CNIH3: variants seen among roughly 807,000 people sequenced by gnomAD.
CNIH3 encodes the protein protein cornichon homolog 3.
A neutral mutation model predicts 24.1 loss-of-function variants in CNIH3; 14 were observed. That is an observed-to-expected ratio of 0.58 (90% CI 0.38 to 0.91). The LOEUF (loss-of-function observed/expected upper bound fraction) is 0.91, where lower values mean the gene tolerates loss of function less well. Ranked by LOEUF, CNIH3 falls within the 40% of genes least tolerant of loss-of-function variation. The pLI, the probability that CNIH3 is intolerant of heterozygous loss-of-function variation, is 0.00. For missense variants in CNIH3, 178 were observed against 196.8 expected (o/e 0.90, Z 0.57); for synonymous variants, 68 against 73.8 (o/e 0.92, Z 0.40).
chr1:224,664,375 C>T (rs59656396), intron 1 of CNIH3, among the ~76,000 whole-genome samples: 2,765 of 152,270 alleles, frequency 0.018, 78 homozygotes, highest in African/African-American at 0.062. Context: ...GGCAGTTGGA[C>T]TGGTTTCACT....
chr1:224,676,699 T>G (rs544796558), intron 1 of CNIH3, among the ~76,000 whole-genome samples: 1 of 152,314 alleles, frequency 6.6e-6, no homozygotes, highest in Non-Finnish European at 1.5e-5. Flanking sequence ...TGCCCATCCT[T>G]ACATCATTGT....
rs144454145 is a variant in CNIH3 at position 224,436,423 on chromosome 1, G to C, written n.203+1561G>C. On this transcript the variant is annotated intron_variant and non_coding_transcript_variant, in intron 1 of 5. Coordinates refer to the CNIH3 transcript ENST00000471578. ...AGGCCCATAGCAACATTGAAGACTTGCTTCTGAATAAAGACTGTAGGTTTT... is the reference window on the plus strand; with the variant it reads ...AGGCCCATAGCAACATTGAAGACTTCCTTCTGAATAAAGACTGTAGGTTTT... 2.5e-3 allele frequency among the ~76,000 whole-genome samples: 374 copies of C among 152,284 alleles called. 3 individuals are homozygous for C. Among genetic ancestry groups the C allele is most frequent in the Non-Finnish European group, 4.7e-3 (321 of 68,014 alleles).
At chr1:224,501,505 CTATA>C (rs201461305) in intron 1 of CNIH3, among the ~76,000 whole-genome samples, 6 of 142,298 alleles carry the variant, frequency 4.2e-5, no homozygotes, top group South Asian at 2.2e-4. Flanking sequence ...AGGCTTGAAC[CTATA>C]TATATATATA....
intron 3 of CNIH3, among the ~76,000 whole-genome samples, chr1:224,698,661 T>G (rs993361827): frequency 1.8e-4 from 27 of 152,254 alleles, no homozygotes; most frequent in African/African-American, 6.0e-4. Context: ...ATAATGTATT[T>G]CAAGCACACA....
chr1:224,591,003 G>C (rs188360797), downstream of CNIH3, among the ~76,000 whole-genome samples: 20 of 152,100 alleles, frequency 1.3e-4, no homozygotes, highest in Admixed American at 1.3e-3. Context: ...AATTGGAAAA[G>C]GTAGATCTAA....
At chr1:224,592,135 A>ATG (rs773509848), downstream of CNIH3, among the ~76,000 whole-genome samples, 8 of 151,196 alleles carry the variant, frequency 5.3e-5, no homozygotes, top group East Asian at 1.6e-3. Context: ...GTGTGTGTAT[A>ATG]TGTGTGTGTG....
downstream of CNIH3, among the ~76,000 whole-genome samples, chr1:224,592,728 C>T (rs1192409333): frequency 6.6e-6 from 1 of 152,100 alleles, no homozygotes; most frequent in Non-Finnish European, 1.5e-5. Context: ...GTTTTGACAG[C>T]TGAAGTTGGG....
chr1:224,507,352 T>A (rs1203196904), intron 1 of CNIH3, among the ~76,000 whole-genome samples: 1 of 152,174 alleles, frequency 6.6e-6, no homozygotes, highest in East Asian at 1.9e-4. Flanking sequence ...CCTGGGCAAG[T>A]GTCCTCTCTG....
intron 3 of CNIH3, among the ~76,000 whole-genome samples, chr1:224,722,533 A>G (rs1688775822): frequency 6.6e-6 from 1 of 152,080 alleles, no homozygotes; most frequent in African/African-American, 2.4e-5. Context: ...CTGCATTTCT[A>G]ACAAGATCCC....
At chr1:224,718,127 A>G (rs1688523408) in intron 3 of CNIH3, among the ~76,000 whole-genome samples, 1 of 152,220 alleles carries the variant, frequency 6.6e-6, no homozygotes, top group South Asian at 2.1e-4. Context: ...TAAGCAAGTA[A>G]ACAAACGCAC....
intron 4 of CNIH3, among the ~76,000 whole-genome samples, chr1:224,732,844 G>T (rs1413355015): frequency 6.6e-6 from 1 of 152,124 alleles, no homozygotes; most frequent in Non-Finnish European, 1.5e-5. Flanking sequence ...GAAGGGAGGG[G>T]CTGCAATCTC....
chr1:224,735,809 C>T (rs933537891), intron 5 of CNIH3, among the ~76,000 whole-genome samples: 6 of 151,792 alleles, frequency 4.0e-5, no homozygotes, highest in Non-Finnish European at 8.8e-5. Flanking sequence ...TGTCACCATG[C>T]CCGGCTATAT....
intron 1 of CNIH3, among the ~76,000 whole-genome samples, chr1:224,625,940 AT>A (rs71792467): frequency 4.0e-4 from 60 of 149,204 alleles, no homozygotes; most frequent in Admixed American, 2.1e-3. Context: ...TGTAATACCC[AT>A]TTTTTTTTTA....
At chr1:224,632,510 A>T (rs570146179) in intron 1 of CNIH3, among the ~76,000 whole-genome samples, 3 of 151,960 alleles carry the variant, frequency 2.0e-5, no homozygotes, top group Non-Finnish European at 4.4e-5. Flanking sequence ...TCCTTGTCCA[A>T]TGGGGTTCTA....
chr1:224,573,363 C>A lies in CNIH3; in HGVS notation n.516+7099C>A, dbSNP rs563921467. Among the ~76,000 whole-genome samples the A allele has an allele frequency of 3.3e-5, 5 of 152,232 alleles. No individual in the cohort carries two copies. In the East Asian group the frequency reaches 9.6e-4, roughly 29 times the overall value. On this transcript the variant is annotated intron_variant and non_coding_transcript_variant, in intron 4 of 5. Transcript: ENST00000471578. ...TTAAAACACAAGGTGCAAGGTACAGCCTTTTTTTGGAGATGTATGAAAATG... is the reference window on the plus strand; with the variant it reads ...TTAAAACACAAGGTGCAAGGTACAGACTTTTTTTGGAGATGTATGAAAATG...
At chr1:224,469,898 T>G (rs1324559624) in intron 1 of CNIH3, among the ~76,000 whole-genome samples, 1 of 152,228 alleles carries the variant, frequency 6.6e-6, no homozygotes, top group Admixed American at 6.5e-5. Flanking sequence ...CTGGTAGTGA[T>G]GAATTCTGCC....
At chr1:224,737,256 C>T (rs1689643126) in intron 5 of CNIH3, among the ~76,000 whole-genome samples, 2 of 152,074 alleles carry the variant, frequency 1.3e-5, no homozygotes, top group African/African-American at 4.8e-5. Context: ...TTGGCAGCTC[C>T]TCTCGGTTAG....
At position 224,570,234 on chromosome 1, in the gene CNIH3, C is replaced by T. The variant is rs916360118; in HGVS notation, n.516+3970C>T. The stretch of plus-strand genomic sequence containing the variant: ...AAGTTTGTTCCATGGGTATATTATG[C>T]GCTGCTGCAGTTTGGAGTACAATCG... On this transcript the variant is annotated intron_variant and non_coding_transcript_variant, in intron 4 of 5. Transcript: ENST00000471578. 1.6e-4 allele frequency among the ~76,000 whole-genome samples: 24 copies of T among 152,066 alleles called. No individual in the cohort carries two copies. In the East Asian group the frequency reaches 3.1e-3, roughly 20 times the overall value.
At chr1:224,713,179 C>T (rs1023135973) in intron 3 of CNIH3, among the ~76,000 whole-genome samples, 3 of 152,214 alleles carry the variant, frequency 2.0e-5, no homozygotes, top group Non-Finnish European at 2.9e-5. Context: ...GCCCAGGAGA[C>T]CCGTTGCAGT....
Sources: allele counts gnomAD v4.1 joint callset (sites outside exome capture counted in the v4.1 genomes callset), GRCh38; gene constraint gnomAD v4.1.1; transcripts MANE v1.5; gene names NCBI Gene and HGNC (gene_info 2026-07-23, HGNC 2026-07-21).